PPFIA2: variants seen among roughly 807,000 people sequenced by gnomAD.
The protein encoded by PPFIA2 is PPFI scaffold protein A2.
Under a neutral mutation model 175.5 loss-of-function variants are expected in PPFIA2, and 46 were observed. That is an observed-to-expected ratio of 0.26 (90% CI 0.21 to 0.34). The LOEUF (loss-of-function observed/expected upper bound fraction) is 0.34. Among genes scored for constraint, PPFIA2 ranks in the 10% least tolerant of loss-of-function variants. The pLI is 1.00. For missense variants in PPFIA2, 1,179 were observed against 1,506.1 expected (o/e 0.78, Z 3.60); for synonymous variants, 568 against 511.4 (o/e 1.11, Z -1.49).
intron 4 of PPFIA2, among the ~76,000 whole-genome samples, chr12:81,595,467 T>C (rs1203559579): frequency 1.3e-5 from 2 of 152,080 alleles, no homozygotes. Flanking sequence ...TCATTAGACA[T>C]ACAGTGCAAA....
At chr12:81,653,026 A>G (rs961309036) in intron 4 of PPFIA2, among the ~76,000 whole-genome samples, 1 of 151,704 alleles carries the variant, frequency 6.6e-6, no homozygotes, top group African/African-American at 2.4e-5. Flanking sequence ...ATATATCTCA[A>G]CCCAATTCAC....
chr12:81,698,513 C>T (rs1199631615), intron 3 of PPFIA2, among the ~76,000 whole-genome samples: 1 of 152,056 alleles, frequency 6.6e-6, no homozygotes. Context: ...TATAAATTAG[C>T]CTGTGTTATG....
intron 7 of PPFIA2, among the ~76,000 whole-genome samples, chr12:81,413,570 G>T (rs2044384931): frequency 6.6e-6 from 1 of 151,746 alleles, no homozygotes; most frequent in African/African-American, 2.4e-5. Context: ...GCAGGATCAT[G>T]GAAGGACAGT....
At chr12:81,500,268 T>A (rs2060455743) in intron 4 of PPFIA2, among the ~76,000 whole-genome samples, 1 of 152,092 alleles carries the variant, frequency 6.6e-6, no homozygotes, top group South Asian at 2.1e-4. Context: ...AACTCTGACC[T>A]CATAACCACT....
chr12:81,471,346 T>C (rs2056691958), intron 4 of PPFIA2: 1 of 151,638 alleles, frequency 6.6e-6, no homozygotes, highest in Admixed American at 6.6e-5. Flanking sequence ...TTTATTTTGG[T>C]AAAAAAGAGA....
At chr12:81,375,288 G>T (rs1471068884) in intron 10 of PPFIA2, among the ~76,000 whole-genome samples, 1 of 152,124 alleles carries the variant, frequency 6.6e-6, no homozygotes. Context: ...AAATGATTGG[G>T]CATGGCTGTG....
chr12:81,320,039 A>G (rs1307921111), intron 22 of PPFIA2, among the ~76,000 whole-genome samples: 2 of 151,832 alleles, frequency 1.3e-5, no homozygotes, highest in Non-Finnish European at 2.9e-5. Context: ...GTTCTGGAAT[A>G]CAGTTCATTT....
At chr12:81,635,345 T>C (rs1185923409) in intron 4 of PPFIA2, among the ~76,000 whole-genome samples, 2 of 152,218 alleles carry the variant, frequency 1.3e-5, no homozygotes, top group Non-Finnish European at 2.9e-5. Context: ...ATTAAAGGAA[T>C]ATATACACAC....
chr12:81,655,234 ATTT>A (rs2067597003), intron 4 of PPFIA2, among the ~76,000 whole-genome samples: 3 of 151,790 alleles, frequency 2.0e-5, no homozygotes, highest in Non-Finnish European at 4.4e-5. Flanking sequence ...GTCAATGTTA[ATTT>A]TCCCCCAAAA....
At chr12:81,350,926 A>T (rs972817600) in intron 17 of PPFIA2, among the ~76,000 whole-genome samples, 1 of 152,138 alleles carries the variant, frequency 6.6e-6, no homozygotes, top group Non-Finnish European at 1.5e-5. Context: ...TGTTCAAAAG[A>T]CTTAAAACCT....
intron 4 of PPFIA2, among the ~76,000 whole-genome samples, chr12:81,644,205 T>A (rs146575121): frequency 6.6e-6 from 1 of 152,160 alleles, no homozygotes; most frequent in African/African-American, 2.4e-5. Context: ...TGCTAGATAA[T>A]CTATACCTCA....
intron 7 of PPFIA2, among the ~76,000 whole-genome samples, chr12:81,413,286 T>G (rs1002694874): frequency 6.6e-6 from 1 of 151,394 alleles, no homozygotes; most frequent in African/African-American, 2.4e-5. Context: ...AAAAAGCATA[T>G]GAGGAGTTGG....
At chr12:81,588,080 A>G (rs2153437987) in intron 4 of PPFIA2, among the ~76,000 whole-genome samples, 1 of 152,150 alleles carries the variant, frequency 6.6e-6, no homozygotes. Context: ...AACTAAGGGT[A>G]GTATAATAAT....
intron 4 of PPFIA2, among the ~76,000 whole-genome samples, chr12:81,559,888 A>C (rs2069652787): frequency 1.3e-5 from 2 of 152,062 alleles, no homozygotes; most frequent in African/African-American, 2.4e-5. Context: ...GTTTCAAATA[A>C]ATTAACATCC....
intron 22 of PPFIA2, among the ~76,000 whole-genome samples, chr12:81,314,070 C>T (rs920634557): frequency 6.6e-6 from 1 of 151,742 alleles, no homozygotes; most frequent in Admixed American, 6.6e-5. Context: ...TTCTTCTCTT[C>T]CATAGTAAAT....
At position 81,259,753 on chromosome 12, in the gene PPFIA2, G is replaced by C; in HGVS notation, c.*34-93C>G. Reference sequence around the variant, plus strand: ...TCTGTGGTGTACCTCCACGCAGCCTGCTTACTCCTGTCCTAGAAGATCATG... The same window carrying C: ...TCTGTGGTGTACCTCCACGCAGCCTCCTTACTCCTGTCCTAGAAGATCATG... On this transcript the variant is annotated intron_variant, in intron 32 of 32. Transcript: ENST00000549396. 3 of 1,048,758 alleles carry C rather than the reference G, an allele frequency of 2.9e-6. No homozygotes were observed. In the South Asian group the frequency reaches 4.3e-5, roughly 15 times the overall value. The allele number at this position is 1,048,758 out of a possible 1,614,324, so 65.0% of individuals were successfully genotyped here. A position where few individuals can be genotyped will look rare whatever the true frequency, so the allele number is the denominator to read the frequency against.
chr12:81,681,096 C>A (rs560992475), intron 3 of PPFIA2, among the ~76,000 whole-genome samples: 26 of 151,934 alleles, frequency 1.7e-4, no homozygotes, highest in Admixed American at 7.9e-4. Context: ...CCTTATCACT[C>A]GAATCTGTAG....
At chr12:81,740,880 T>G (rs1423138672) in intron 3 of PPFIA2, among the ~76,000 whole-genome samples, 1 of 152,084 alleles carries the variant, frequency 6.6e-6, no homozygotes, top group Admixed American at 6.6e-5. Flanking sequence ...AGTGAAAAAC[T>G]AATCAAAATA....
At chr12:81,260,142 G>A (rs1401129775) in intron 32 of PPFIA2, 2 of 152,334 alleles carry the variant, frequency 1.3e-5, no homozygotes, top group African/African-American at 4.8e-5. Flanking sequence ...CAGCCATAAT[G>A]TACTTAGAAA....
Sources: allele counts gnomAD v4.1 joint callset (sites outside exome capture counted in the v4.1 genomes callset), GRCh38; gene constraint gnomAD v4.1.1; transcripts MANE v1.5; gene names NCBI Gene and HGNC (gene_info 2026-07-23, HGNC 2026-07-21).